MED6: variants seen among roughly 807,000 people sequenced by gnomAD.
MED6 encodes mediator of RNA polymerase II transcription subunit 6.
In MED6, 33 loss-of-function variants were observed where a neutral mutation model predicts 37.5. The observed-to-expected ratio is 0.88, with a 90% CI of 0.67 to 1.18. The LOEUF (loss-of-function observed/expected upper bound fraction) is 1.18. MED6 is among the 50% of genes most tolerant of loss of function. The pLI is 0.00. For missense variants in MED6, 235 were observed against 290.6 expected, an observed-to-expected ratio of 0.81 and a Z score of 1.39; for synonymous variants, 94 against 93.6, an observed-to-expected ratio of 1.00 and a Z score of -0.02.
At chr14:70,597,844 T>TG in intron 1 of MED6, 67 bp from the exon 2 acceptor site, 8 of 1,336,550 alleles carry the variant, frequency 6.0e-6, no homozygotes, top group Non-Finnish European at 7.0e-6. Flanking sequence ...AACAAACATT[T>TG]ATTATACATC....
intron 3 of MED6, chr14:70,594,785 G>A (rs1185501340): frequency 3.1e-5 from 18 of 576,220 alleles, no homozygotes; most frequent in Middle Eastern, 5.3e-4. Flanking sequence ...CATCCAGAAC[G>A]AGGAGGAGAC....
At chr14:70,589,671 T>C (rs1884814794) in intron 6 of MED6, among the ~76,000 whole-genome samples, 1 of 152,232 alleles carries the variant, frequency 6.6e-6, no homozygotes, top group African/African-American at 2.4e-5. Context: ...GTTGTAAGTT[T>C]AAAATAGAGA....
chr14:70,588,873 C>G (rs1162660212), intron 6 of MED6, among the ~76,000 whole-genome samples: 1 of 152,042 alleles, frequency 6.6e-6, no homozygotes. Context: ...AATTACCATA[C>G]TTTTCTATAA....
At chr14:70,587,682 C>T (rs756632396) in intron 6 of MED6, among the ~76,000 whole-genome samples, 10 of 152,166 alleles carry the variant, frequency 6.6e-5, no homozygotes, top group Non-Finnish European at 1.2e-4. Flanking sequence ...TAGTAGAACA[C>T]GGTCTGAGAT....
intron 3 of MED6, chr14:70,595,700 G>A: frequency 2.5e-6 from 2 of 804,406 alleles, no homozygotes; most frequent in Admixed American, 3.7e-5. Flanking sequence ...AAGACAGCCA[G>A]GACTTCAATC....
chr14:70,599,164 C>T (rs994048442), intron 1 of MED6, among the ~76,000 whole-genome samples: 1 of 152,140 alleles, frequency 6.6e-6, no homozygotes, highest in Non-Finnish European at 1.5e-5. Context: ...CCTCAGGCAT[C>T]TTCAAAGAAG....
Position 70,592,982 on chromosome 14 carries a change from C to A in MED6, c.364G>T (p.Ala122Ser), listed in dbSNP as rs1566676208. 1 of 1,613,404 alleles carries A rather than the reference C, an allele frequency of 6.2e-7. No individual in the cohort carries two copies. The highest frequency in any genetic ancestry group is 1.3e-5 in the African/African-American group (1 of 74,892). Reference protein sequence around the residue: ...GSVINSRVLTAVHGIQSAFDE... With the variant: ...GSVINSRVLTSVHGIQSAFDE... ...AAAGCTGACTGAATACCATGCACTG[C>A]AGTAAGCTTGTAAAAGGAAAATAAA... The change falls in exon 5 of 8, where the codon GCA becomes TCA. Residue 122 changes from alanine to serine, a missense_variant. Physicochemically the swap from Ala to Ser is moderately conservative, Grantham distance 99 (BLOSUM62 1). Transcript: ENST00000256379.
chr14:70,591,985 T>C (rs17108252), intron 5 of MED6, among the ~76,000 whole-genome samples: 6,743 of 152,192 alleles, frequency 0.044, 206 homozygotes, highest in Middle Eastern at 0.11. Flanking sequence ...TCCAGATAAG[T>C]GTTACTCCGA....
Position 70,592,873 on chromosome 14 carries a change from T to C in MED6, c.466+7A>G, listed in dbSNP as rs746654552. 1 of 1,613,582 alleles carries C rather than the reference T, an allele frequency of 6.2e-7. No individual in the cohort carries two copies. Among genetic ancestry groups the C allele is most frequent in the South Asian group, 1.1e-5 (1 of 91,046 alleles). Reference sequence around the variant, plus strand: ...GTGTTTTAGGAGGGTATGGATGTTCTACTTACCTTGCTCTTCATGATCTTT... The same window carrying C: ...GTGTTTTAGGAGGGTATGGATGTTCCACTTACCTTGCTCTTCATGATCTTT... On this transcript the variant is annotated splice_region_variant and intron_variant, in intron 5 of 7. Coordinates refer to ENST00000256379, the MANE Select transcript of MED6 (RefSeq NM_005466.4).
At chr14:70,585,087 G>T (rs1029464786) in intron 7 of MED6, 144 bp from the exon 8 acceptor site, 2 of 969,048 alleles carry the variant, frequency 2.1e-6, no homozygotes, top group Non-Finnish European at 1.5e-6. Context: ...CCAGGCAGAT[G>T]TATACAAGAA....
At chr14:70,598,854 A>T (rs1885121634) in intron 1 of MED6, among the ~76,000 whole-genome samples, 1 of 152,208 alleles carries the variant, frequency 6.6e-6, no homozygotes, top group Non-Finnish European at 1.5e-5. Flanking sequence ...GGGATAGAGA[A>T]GTTAGGAAGC....
intron 6 of MED6, among the ~76,000 whole-genome samples, chr14:70,589,146 G>T (rs369702675): frequency 2.1e-4 from 32 of 152,280 alleles, no homozygotes; most frequent in African/African-American, 7.7e-4. Flanking sequence ...CCTGTATTCT[G>T]AATTTTAGTT....
chr14:70,596,419 T>TGTCATAACAA (rs987339887), intron 3 of MED6, 192 bp downstream of exon 3: 3 of 502,500 alleles, frequency 6.0e-6, no homozygotes, highest in African/African-American at 5.7e-5. Flanking sequence ...CTTACTGTGT[T>TGTCATAACAA]GTCATAACAA....
chr14:70,585,781 T>C lies in MED6; in HGVS notation c.585A>G (p.Leu195=), dbSNP rs748374805. 4 of 1,601,830 alleles carry C rather than the reference T, an allele frequency of 2.5e-6. No homozygotes were observed. Among genetic ancestry groups the C allele is most frequent in the Non-Finnish European group, 3.4e-6 (4 of 1,175,538 alleles). ...CTGGAACAGGCTTTTCTCCAGGCTTTAGCTATAATTTTTTAGAAAAAAGGG... is the reference window on the plus strand; with the variant it reads ...CTGGAACAGGCTTTTCTCCAGGCTTCAGCTATAATTTTTTAGAAAAAAGGG... ...RQKFPPKFVQ[L]KPGEKPVPVD... The change falls in exon 7 of 8, where the codon CTA becomes CTG. Residue 195 remains leucine (L), a splice_region_variant and synonymous_variant. Coordinates refer to ENST00000256379, the MANE Select transcript of MED6 (RefSeq NM_005466.4).
intron 1 of MED6, among the ~76,000 whole-genome samples, chr14:70,598,074 C>G (rs1885097332): frequency 6.6e-6 from 1 of 152,090 alleles, no homozygotes; most frequent in African/African-American, 2.4e-5. Flanking sequence ...GTAGGTGGAT[C>G]ACCTGAGGTT....
At chr14:70,590,929 G>A (rs539530787) in intron 6 of MED6, among the ~76,000 whole-genome samples, 1 of 152,296 alleles carries the variant, frequency 6.6e-6, no homozygotes, top group South Asian at 2.1e-4. Flanking sequence ...CAGGCTGGAA[G>A]GTGGCATGTA....
intron 1 of MED6, among the ~76,000 whole-genome samples, chr14:70,598,990 T>C (rs941047438): frequency 2.0e-5 from 3 of 152,238 alleles, no homozygotes; most frequent in South Asian, 2.1e-4. Flanking sequence ...TAAAAAGACA[T>C]GATAGAGCTA....
intron 3 of MED6, 99 bp from the exon 4 acceptor site, chr14:70,593,477 G>A (rs955352381): frequency 3.1e-6 from 3 of 954,202 alleles, no homozygotes; most frequent in Admixed American, 2.3e-5. Context: ...TTTCCCATAA[G>A]GCAGGGTTTA....
chr14:70,593,444 T>C, intron 3 of MED6, 66 bp from the exon 4 acceptor site: 1 of 1,192,482 alleles, frequency 8.4e-7, no homozygotes, highest in Non-Finnish European at 1.2e-6. Flanking sequence ...CAGATTCTCA[T>C]AAAAAGAAAT....
Sources: gnomAD v4.1 joint callset for allele counts (sites outside exome capture counted in the v4.1 genomes callset) on GRCh38, gnomAD v4.1.1 for gene constraint, MANE v1.5 for transcripts, NCBI Gene and HGNC (gene_info 2026-07-23, HGNC 2026-07-21) for gene names.